Variants in RPRD2 observed in about 807,000 individuals in gnomAD.
The protein encoded by RPRD2 is regulation of nuclear pre-mRNA domain containing 2.
A neutral mutation model predicts 104.4 loss-of-function variants in RPRD2; 12 were observed. The observed-to-expected ratio is 0.11, with a 90% CI of 0.07 to 0.19. The LOEUF (loss-of-function observed/expected upper bound fraction) is 0.19. Among genes scored for constraint, RPRD2 ranks in the 10% least tolerant of loss-of-function variants. The pLI, the probability that RPRD2 is intolerant of heterozygous loss-of-function variation, is 1.00. For missense variants in RPRD2, 1,543 were observed against 1,790.1 expected (o/e 0.86, Z 2.49); for synonymous variants, 714 against 684.9 (o/e 1.04, Z -0.66).
chr1:150,445,479 A>G lies in RPRD2; in HGVS notation c.695-747A>G, dbSNP rs116041926. Among the ~76,000 whole-genome samples the G allele has an allele frequency of 1.6e-3, 251 of 152,296 alleles. 1 individual carries two copies. Among genetic ancestry groups the G allele is most frequent in the African/African-American group, 5.7e-3 (236 of 41,562 alleles). The stretch of plus-strand genomic sequence containing the variant: ...TGCATACAGAGGTCACTTTATTTTT[A>G]CTTTTCTGAACGTTACTTTTCTCGT... On this transcript the variant is annotated intron_variant, in intron 6 of 10. Transcript: ENST00000369068.
intron 1 of RPRD2, among the ~76,000 whole-genome samples, chr1:150,377,322 C>A (rs587697035): frequency 6.6e-6 from 1 of 151,912 alleles, no homozygotes; most frequent in African/African-American, 2.4e-5. Context: ...GTAAATGGGC[C>A]GGGCGCGGTG....
At chr1:150,412,711 G>T (rs1354893065) in intron 1 of RPRD2, among the ~76,000 whole-genome samples, 1 of 152,148 alleles carries the variant, frequency 6.6e-6, no homozygotes, top group East Asian at 1.9e-4. Context: ...TGACAGATTT[G>T]ATATGATAAA....
chr1:150,374,745 C>T (rs1432391476), intron 1 of RPRD2, among the ~76,000 whole-genome samples: 1 of 152,138 alleles, frequency 6.6e-6, no homozygotes, highest in African/African-American at 2.4e-5. Context: ...TTTGTTTATT[C>T]TCTATTCTCA....
intron 10 of RPRD2, among the ~76,000 whole-genome samples, chr1:150,466,934 G>A (rs1187157840): frequency 2.0e-5 from 3 of 152,184 alleles, no homozygotes; most frequent in Admixed American, 2.0e-4. Flanking sequence ...GAGGACACTT[G>A]GCAATATTTG....
At chr1:150,376,870 A>G (rs1660737029) in intron 1 of RPRD2, among the ~76,000 whole-genome samples, 2 of 151,258 alleles carry the variant, frequency 1.3e-5, no homozygotes, top group Admixed American at 6.6e-5. Context: ...AAATTCTCTT[A>G]TAATATGTTA....
intron 2 of RPRD2, among the ~76,000 whole-genome samples, chr1:150,422,247 G>A (rs1189578270): frequency 6.6e-6 from 1 of 150,836 alleles, no homozygotes; most frequent in African/African-American, 2.4e-5. Flanking sequence ...AGGAGGCTGA[G>A]GCAGGAGAAT....
At chr1:150,421,445 T>C (rs1664749015) in intron 2 of RPRD2, among the ~76,000 whole-genome samples, 1 of 152,170 alleles carries the variant, frequency 6.6e-6, no homozygotes, top group Admixed American at 6.5e-5. Context: ...TTTCCTAATA[T>C]GTTATTTATA....
intron 1 of RPRD2, among the ~76,000 whole-genome samples, chr1:150,395,800 C>T (rs1032329809): frequency 6.6e-6 from 1 of 152,210 alleles, no homozygotes. Flanking sequence ...TGAGCCACCG[C>T]GTCCGGCCGC....
intron 1 of RPRD2, among the ~76,000 whole-genome samples, chr1:150,372,506 G>GACACACACACACACACAC (rs143656895): frequency 3.1e-4 from 46 of 150,296 alleles, no homozygotes; most frequent in African/African-American, 9.3e-4. Flanking sequence ...CACACACACA[G>GACACACACACACACACAC]ACACACACAC....
intron 2 of RPRD2, among the ~76,000 whole-genome samples, chr1:150,434,681 G>A (rs1323833039): frequency 1.3e-5 from 2 of 151,974 alleles, no homozygotes; most frequent in African/African-American, 4.8e-5. Context: ...CCAGGTGGTA[G>A]TGGTGTGCAT....
intron 2 of RPRD2, among the ~76,000 whole-genome samples, chr1:150,438,596 T>G (rs1572478022): frequency 1.3e-5 from 2 of 151,686 alleles, no homozygotes; most frequent in East Asian, 3.9e-4. Flanking sequence ...ACCATTGCAC[T>G]CCAGCCTGGG....
rs587615155 is a variant in RPRD2 at position 150,366,746 on chromosome 1, T to C, written c.205+1827T>C. On this transcript the variant is annotated intron_variant, in intron 1 of 10. Coordinates refer to ENST00000369068, the MANE Select transcript of RPRD2 (RefSeq NM_015203.5). ...TAACGTTCTTGGTATACCAGTGATA[T>C]ATTGCAAACAGTTCTAATGTGAGTG... Among the ~76,000 whole-genome samples, 8 of 152,338 alleles carry C rather than the reference T, an allele frequency of 5.3e-5. No homozygotes were observed. In the South Asian group the frequency reaches 1.4e-3, roughly 28 times the overall value.
At chr1:150,413,918 T>TC (rs1664132548) in intron 1 of RPRD2, among the ~76,000 whole-genome samples, 1 of 148,620 alleles carries the variant, frequency 6.7e-6, no homozygotes, top group Non-Finnish European at 1.5e-5. Context: ...AGAGCGAAAC[T>TC]CCATCTCAAA....
At chr1:150,390,500 AAAATAAAT>A (rs587743807) in intron 1 of RPRD2, among the ~76,000 whole-genome samples, 1 of 151,946 alleles carries the variant, frequency 6.6e-6, no homozygotes, top group East Asian at 1.9e-4. Flanking sequence ...TCCGTCTCAA[AAAATAAAT>A]AAATAAATAA....
Position 150,472,711 on chromosome 1 carries a change from C to T in RPRD2, c.3763C>T (p.Pro1255Ser), listed in dbSNP as rs762660649. 21 of 1,613,388 alleles carry T rather than the reference C, an allele frequency of 1.3e-5. No individual in the cohort carries two copies. The highest frequency in any genetic ancestry group is 3.3e-5 in the South Asian group (3 of 91,074). The change falls in exon 11 of 11, where the codon CCA (proline) becomes TCA (serine). Residue 1255 changes from proline (P) to serine (S), a missense_variant. Transcript: ENST00000369068. ...TKEAALAHAA[P>S]PPPPGEHSGI... ...GGAGGCAGCCCTGGCCCATGCTGCC[C>T]CACCCCCTCCTCCTGGAGAGCACAG...
intron 1 of RPRD2, among the ~76,000 whole-genome samples, chr1:150,384,491 T>G (rs1553881431): frequency 7.1e-6 from 1 of 140,030 alleles, no homozygotes; most frequent in African/African-American, 2.6e-5. Flanking sequence ...ATTATTATTA[T>G]TAGGGATGGA....
Position 150,446,215 on chromosome 1 carries a change from T to C in RPRD2, c.695-11T>C, listed in dbSNP as rs1553895450. The C allele has an allele frequency of 1.3e-6, 2 of 1,524,902 alleles. No individual in the cohort carries two copies. Among genetic ancestry groups the C allele is most frequent in the Non-Finnish European group, 1.8e-6 (2 of 1,137,706 alleles). The allele number at this position is 1,524,902 out of a possible 1,614,324, so 94.5% of individuals were successfully genotyped here. A position where few individuals can be genotyped will look rare whatever the true frequency, so the allele number is the denominator to read the frequency against. ...TTTATCCTGAAATGAATATTTCCCA[T>C]GTCATTTTAGATAAAACAGGTGGGA... On this transcript the variant is annotated splice_polypyrimidine_tract_variant and intron_variant, in intron 6 of 10. Coordinates refer to ENST00000369068, the MANE Select transcript of RPRD2 (RefSeq NM_015203.5).
In RPRD2 at chr1:150,377,749, G is replaced by C. The variant is rs868965949; in HGVS notation, c.205+12830G>C. On this transcript the variant is annotated intron_variant, in intron 1 of 10. Transcript: ENST00000369068. ...TGCTGGATCCTTATTGTTTACTGAG[G>C]ATCCTTACTAGCTATCATACATGTA... Among the ~76,000 whole-genome samples, 10 of 152,120 alleles carry C rather than the reference G, an allele frequency of 6.6e-5. No individual in the cohort carries two copies. The South Asian group carries it at 1.5e-3, about 22-fold the overall frequency.
intron 1 of RPRD2, among the ~76,000 whole-genome samples, chr1:150,391,446 A>G (rs1257822724): frequency 2.0e-5 from 3 of 152,112 alleles, no homozygotes; most frequent in Non-Finnish European, 2.9e-5. Context: ...GAGCCACCAC[A>G]CTGGCCCATT....
Sources: gnomAD v4.1 joint callset for allele counts (sites outside exome capture counted in the v4.1 genomes callset) on GRCh38, gnomAD v4.1.1 for gene constraint, MANE v1.5 for transcripts, NCBI Gene and HGNC (gene_info 2026-07-23, HGNC 2026-07-21) for gene names.